Variants in SMURF1 observed in about 807,000 individuals in gnomAD.
SMURF1 encodes the protein E3 ubiquitin-protein ligase SMURF1.
SMURF1 carries 44 observed loss-of-function variants against 98.0 expected under a neutral mutation model. That is an observed-to-expected ratio of 0.45 (90% CI 0.35 to 0.58). The LOEUF is 0.58. Ranked by LOEUF, SMURF1 falls within the 20% of genes least tolerant of loss-of-function variation. The pLI is 0.00. For missense variants in SMURF1, 687 were observed against 938.4 expected (o/e 0.73, Z 3.50); for synonymous variants, 396 against 374.9 (o/e 1.06, Z -0.65).
At chr7:99,072,867 T>C (rs149928425) in intron 1 of SMURF1, among the ~76,000 whole-genome samples, 2 of 152,362 alleles carry the variant, frequency 1.3e-5, no homozygotes, top group Non-Finnish European at 2.9e-5. Flanking sequence ...AAAGCCATTA[T>C]AATTATTTGG....
chr7:99,111,191 A>G (rs1797311694), intron 1 of SMURF1, among the ~76,000 whole-genome samples: 1 of 152,252 alleles, frequency 6.6e-6, no homozygotes, highest in African/African-American at 2.4e-5. Flanking sequence ...AATAAAGGTC[A>G]ATGATACAAA....
intron 1 of SMURF1, among the ~76,000 whole-genome samples, chr7:99,142,434 G>T (rs1419320104): frequency 2.0e-5 from 3 of 151,920 alleles, no homozygotes; most frequent in Non-Finnish European, 4.4e-5. Context: ...GGCCCAGACT[G>T]AGACTGAAGA....
At chr7:99,088,696 G>C (rs1345334230) in intron 1 of SMURF1, among the ~76,000 whole-genome samples, 1 of 152,124 alleles carries the variant, frequency 6.6e-6, no homozygotes, top group Admixed American at 6.5e-5. Context: ...AAGGTAGTTT[G>C]TTTGTTTTTG....
rs1475554365 is a variant in SMURF1 at position 99,027,804 on chromosome 7, G to A, written c.*2780C>T. On this transcript the variant is annotated 3_prime_UTR_variant, in exon 18 of 18. Coordinates refer to ENST00000361368, the MANE Select transcript of SMURF1 (RefSeq NM_181349.3). ...TGTGGCACACACCTGGCTGCAGATG[G>A]CGGGTGGGGGGACATTTTCTCTGCA... The A allele has an allele frequency of 1.3e-5, 2 of 152,582 alleles. No homozygotes were observed. The highest frequency in any genetic ancestry group is 3.9e-4 in the East Asian group (2 of 5,178). 9.5% of individuals were successfully genotyped at this position (152,582 alleles called of 1,614,324 possible). A position where few individuals can be genotyped will look rare whatever the true frequency, so the allele number is the denominator to read the frequency against.
chr7:99,112,988 T>TA (rs201175991), intron 1 of SMURF1, among the ~76,000 whole-genome samples: 8 of 151,622 alleles, frequency 5.3e-5, no homozygotes, highest in Non-Finnish European at 5.9e-5. Context: ...TGAACAGAAA[T>TA]AAAAAAAAAT....
intron 1 of SMURF1, among the ~76,000 whole-genome samples, chr7:99,120,284 T>C (rs1351777148): frequency 6.6e-6 from 1 of 152,152 alleles, no homozygotes; most frequent in Non-Finnish European, 1.5e-5. Flanking sequence ...AATTACTCAG[T>C]CTCAGGTATT....
At chr7:99,122,916 T>C (rs190520559) in intron 1 of SMURF1, among the ~76,000 whole-genome samples, 117 of 152,128 alleles carry the variant, frequency 7.7e-4, no homozygotes, top group African/African-American at 2.1e-3. Flanking sequence ...CAAAGGCTAA[T>C]GAAGCAGAAT....
intron 16 of SMURF1, 36 bp downstream of exon 16, chr7:99,035,479 C>A (rs755593355): frequency 2.4e-5 from 38 of 1,610,668 alleles, no homozygotes; most frequent in Middle Eastern, 3.7e-4. Context: ...CGCACATAGA[C>A]GCGTCATCGA....
chr7:99,100,935 G>A (rs894456532), intron 1 of SMURF1, among the ~76,000 whole-genome samples: 1 of 152,126 alleles, frequency 6.6e-6, no homozygotes, highest in Non-Finnish European at 1.5e-5. Flanking sequence ...AGATAAGCAA[G>A]GTGGAGAAAA....
chr7:99,096,576 G>A (rs1796960401), intron 1 of SMURF1, among the ~76,000 whole-genome samples: 1 of 152,138 alleles, frequency 6.6e-6, no homozygotes, highest in Non-Finnish European at 1.5e-5. Context: ...AAGAAAGACA[G>A]TACATAATAA....
At chr7:99,140,234 A>G (rs924327640) in intron 1 of SMURF1, among the ~76,000 whole-genome samples, 3 of 151,840 alleles carry the variant, frequency 2.0e-5, no homozygotes, top group African/African-American at 7.3e-5. Context: ...TTCACCCCCA[A>G]ATAGAATCGT....
At chr7:99,141,970 T>C (rs974623415) in intron 1 of SMURF1, among the ~76,000 whole-genome samples, 5 of 152,176 alleles carry the variant, frequency 3.3e-5, no homozygotes, top group Admixed American at 6.5e-5. Flanking sequence ...TATTCGAGTT[T>C]GGAAAGTCCC....
At chr7:99,115,101 A>C (rs1392319504) in intron 1 of SMURF1, among the ~76,000 whole-genome samples, 1 of 151,900 alleles carries the variant, frequency 6.6e-6, no homozygotes, top group Non-Finnish European at 1.5e-5. Context: ...CAGCAAATTC[A>C]ACCCAAAGCA....
chr7:99,063,280 T>TG (rs1796104297), intron 1 of SMURF1, among the ~76,000 whole-genome samples: 1 of 16,320 alleles, frequency 6.1e-5, no homozygotes, highest in African/African-American at 1.6e-4. Flanking sequence ...TATATATATA[T>TG]ATATATATAT....
At chr7:99,030,819 T>A in intron 17 of SMURF1, 136 bp from the exon 18 acceptor site, 1 of 603,172 alleles carries the variant, frequency 1.7e-6, no homozygotes, top group Non-Finnish European at 2.9e-6. Context: ...TGATGAGTTC[T>A]CCATGTCCCC....
intron 7 of SMURF1, 140 bp downstream of exon 7, chr7:99,052,065 G>A (rs1795766774): frequency 1.5e-5 from 18 of 1,209,744 alleles, no homozygotes; most frequent in Non-Finnish European, 1.9e-5. Flanking sequence ...AGCTAGGGAG[G>A]TCAAGGCTGC....
At chr7:99,129,576 T>C (rs778372525) in intron 1 of SMURF1, among the ~76,000 whole-genome samples, 4 of 152,154 alleles carry the variant, frequency 2.6e-5, no homozygotes, top group Non-Finnish European at 4.4e-5. Context: ...TATTTTTGTA[T>C]AGATAGGGTC....
At chr7:99,030,926 C>T in intron 17 of SMURF1, 1 of 397,044 alleles carries the variant, frequency 2.5e-6, no homozygotes, top group Non-Finnish European at 4.6e-6. Context: ...TCTCAAACTC[C>T]TGGCCTCAAG....
chr7:99,080,854 C>T (rs1214043034), intron 1 of SMURF1, among the ~76,000 whole-genome samples: 2 of 152,200 alleles, frequency 1.3e-5, no homozygotes, highest in Non-Finnish European at 2.9e-5. Flanking sequence ...CACTTCCCAG[C>T]TCCCTGCAAG....
Sources: gnomAD v4.1 joint callset for allele counts (sites outside exome capture counted in the v4.1 genomes callset) on GRCh38, gnomAD v4.1.1 for gene constraint, MANE v1.5 for transcripts, NCBI Gene and HGNC (gene_info 2026-07-23, HGNC 2026-07-21) for gene names.